Variants in KIF13B observed in about 807,000 individuals in gnomAD.
KIF13B encodes kinesin-like protein KIF13B.
KIF13B carries 127 observed loss-of-function variants against 222.0 expected under a neutral mutation model. The ratio of observed to expected loss-of-function variants is 0.57; its 90% confidence interval spans 0.50 to 0.66. The LOEUF (loss-of-function observed/expected upper bound fraction) is 0.66. Among genes scored for constraint, KIF13B ranks in the 30% least tolerant of loss-of-function variants. The pLI, the probability that KIF13B is intolerant of heterozygous loss-of-function variation, is 0.00. For synonymous variants in KIF13B, 976 were observed against 919.0 expected (o/e 1.06, Z -1.12); for missense variants, 2,173 against 2,379.0 (o/e 0.91, Z 1.80).
At chr8:29,157,391 C>CT (rs1211633410) in intron 13 of KIF13B, among the ~76,000 whole-genome samples, 87 of 53,540 alleles carry the variant, frequency 1.6e-3, no homozygotes, top group African/African-American at 5.2e-3. Flanking sequence ...CTCGTCTCTA[C>CT]CAAAAAAAAA....
chr8:29,140,592 G>C lies in KIF13B; in HGVS notation c.2360C>G (p.Ala787Gly). 3 of 1,613,506 alleles carry C rather than the reference G, an allele frequency of 1.9e-6. No individual in the cohort carries two copies. Among genetic ancestry groups the C allele is most frequent in the Non-Finnish European group, 2.5e-6 (3 of 1,179,690 alleles). ...NPVIRSYFKR[A>G]DPFYDEQENH... ...TTCCTGCTCATCATAGAATGGATCA[G>C]CACGTTTGAAGTATGATCGTATTAC... Residue 787 changes from alanine to glycine, a missense_variant, in exon 20 of 40, where the codon GCT becomes GGT. Coordinates refer to ENST00000524189, the MANE Select transcript of KIF13B (RefSeq NM_015254.4).
chr8:29,139,798 G>T (rs1586830896), intron 21 of KIF13B, among the ~76,000 whole-genome samples: 2 of 152,238 alleles, frequency 1.3e-5, no homozygotes, highest in East Asian at 1.9e-4. Flanking sequence ...TTCCTGCAGG[G>T]ATTCTCAGCC....
At chr8:29,216,270 A>C (rs1246434159) in intron 2 of KIF13B, among the ~76,000 whole-genome samples, 1 of 152,202 alleles carries the variant, frequency 6.6e-6, no homozygotes, top group Non-Finnish European at 1.5e-5. Flanking sequence ...TTCAGTAACA[A>C]AGCTAGATTC....
rs1042923606 is a variant in KIF13B at position 29,088,440 on chromosome 8, T to A, written c.4458+4305A>T. 3.9e-5 allele frequency among the ~76,000 whole-genome samples: 6 copies of A among 152,208 alleles called. No individual in the cohort carries two copies. In the East Asian group the frequency reaches 1.2e-3, roughly 29 times the overall value. Reference sequence around the variant, plus strand: ...GCAGGGTGGCTCACATATACAATCCTCCCCACTCCCTTTACTTCCTGGTAA... The same window carrying A: ...GCAGGGTGGCTCACATATACAATCCACCCCACTCCCTTTACTTCCTGGTAA... On this transcript the variant is annotated intron_variant, in intron 37 of 39. Transcript: ENST00000524189.
Position 29,248,076 on chromosome 8 carries a change from G to A in KIF13B, c.56-2637C>T, listed in dbSNP as rs138120887. 2.6e-4 allele frequency among the ~76,000 whole-genome samples: 40 copies of A among 152,214 alleles called. 1 individual carries two copies. The East Asian group carries it at 7.7e-3, about 29-fold the overall frequency. On this transcript the variant is annotated intron_variant, in intron 1 of 39. Transcript: ENST00000524189. ...GGTTGGCAAGGGTGTGGAGTAATTA[G>A]AACCCTCATACATTACTGGTGAGAA...
chr8:29,174,186 A>ACTGC lies in KIF13B; in HGVS notation c.945+1878_945+1881dup, dbSNP rs556362234. ...CACTGTTATTAACTATAGTCCTTAG[A>ACTGC]CTGCCCATTTGATCTCTAGACTTAA... is the stretch of plus-strand genomic sequence containing the variant. On this transcript the variant is annotated intron_variant, in intron 10 of 39. Coordinates refer to ENST00000524189, the MANE Select transcript of KIF13B (RefSeq NM_015254.4). Among the ~76,000 whole-genome samples, 213 of 152,250 alleles carry ACTGC rather than the reference A, an allele frequency of 1.4e-3. 2 individuals are homozygous for ACTGC. Among genetic ancestry groups the ACTGC allele is most frequent in the African/African-American group, 4.7e-3 (195 of 41,546 alleles).
chr8:29,106,632 CAAAAAA>C (rs71222590), intron 35 of KIF13B, among the ~76,000 whole-genome samples: 8 of 56,464 alleles, frequency 1.4e-4, no homozygotes, highest in South Asian at 2.0e-3. Flanking sequence ...AACTCTGTCT[CAAAAAA>C]AAAAAAAAAA....
At chr8:29,165,515 T>C (rs905726922) in intron 12 of KIF13B, 147 bp downstream of exon 12, 6 of 569,224 alleles carry the variant, frequency 1.1e-5, no homozygotes, top group Non-Finnish European at 1.9e-5. Flanking sequence ...TTGCAAAGTA[T>C]AGATTCTTTC....
At chr8:29,166,272 A>G (rs1264425625) in intron 11 of KIF13B, among the ~76,000 whole-genome samples, 1 of 152,228 alleles carries the variant, frequency 6.6e-6, no homozygotes, top group African/African-American at 2.4e-5. Flanking sequence ...AACAGGTAAA[A>G]ATACGATCAA....
chr8:29,140,580 T>C lies in KIF13B; in HGVS notation c.2372A>G (p.Tyr791Cys), dbSNP rs1465623549. Residue 791 changes from tyrosine to cysteine, a missense_variant, in exon 20 of 40, where the codon TAT becomes TGT. Physicochemically the swap from Tyr to Cys is radical, Grantham distance 194 (BLOSUM62 -2). Around this residue, in one of 2 missense-constraint regions of KIF13B, gnomAD observed 1,480 missense variants for 1,722.8 expected, o/e 0.86. Coordinates refer to ENST00000524189, the MANE Select transcript of KIF13B (RefSeq NM_015254.4). ...GAGACTGTGATTTTCCTGCTCATCATAGAATGGATCAGCACGTTTGAAGTA... is the reference window on the plus strand; with the variant it reads ...GAGACTGTGATTTTCCTGCTCATCACAGAATGGATCAGCACGTTTGAAGTA... The part of the protein sequence containing the change: ...RSYFKRADPF[Y>C]DEQENHSLIG... 5.6e-6 allele frequency: 9 copies of C among 1,613,740 alleles called. No homozygotes were observed. Among genetic ancestry groups the C allele is most frequent in the Admixed American group, 3.3e-5 (2 of 59,994 alleles).
At chr8:29,075,451 C>T (rs1279914041) in intron 37 of KIF13B, 108 bp from the exon 38 acceptor site, 6 of 993,178 alleles carry the variant, frequency 6.0e-6, no homozygotes, top group Non-Finnish European at 8.8e-6. Context: ...GGGGAATCGG[C>T]CCATCAGGTG....
intron 2 of KIF13B, among the ~76,000 whole-genome samples, chr8:29,242,368 C>T (rs969246650): frequency 3.3e-5 from 5 of 151,962 alleles, no homozygotes; most frequent in East Asian, 3.9e-4. Flanking sequence ...ACAACAACAA[C>T]GAAAATTTAC....
intron 2 of KIF13B, among the ~76,000 whole-genome samples, chr8:29,239,156 C>T (rs144650375): frequency 8.1e-4 from 124 of 152,264 alleles, no homozygotes; most frequent in African/African-American, 2.7e-3. Context: ...ACCATACACA[C>T]GTAATAGAAG....
chr8:29,130,467 A>G, intron 24 of KIF13B, 66 bp downstream of exon 24: 1 of 1,523,612 alleles, frequency 6.6e-7, no homozygotes, highest in Non-Finnish European at 9.1e-7. Flanking sequence ...ATTTCCACTA[A>G]AAAGAAGCCA....
At chr8:29,100,383 G>A (rs1215418337) in intron 35 of KIF13B, among the ~76,000 whole-genome samples, 1 of 152,096 alleles carries the variant, frequency 6.6e-6, no homozygotes, top group African/African-American at 2.4e-5. Flanking sequence ...GATAATCACT[G>A]ACTTCTTTAC....
intron 11 of KIF13B, among the ~76,000 whole-genome samples, chr8:29,166,295 G>A (rs1586869255): frequency 6.6e-6 from 1 of 152,188 alleles, no homozygotes; most frequent in African/African-American, 2.4e-5. Flanking sequence ...TAATCATCCT[G>A]ACCATGTCTC....
In KIF13B at chr8:29,231,270, G is replaced by A. The variant is rs367987208; in HGVS notation, c.149+14076C>T. Among the ~76,000 whole-genome samples, 28 of 152,280 alleles carry A rather than the reference G, an allele frequency of 1.8e-4. No homozygotes were observed. The East Asian group carries it at 3.1e-3, about 17-fold the overall frequency. Reference sequence around the variant, plus strand: ...TAGATGAAGGCTACCATACGGGTTCGGCCTGATAAATCTTACATTCAGAGA... The same window carrying A: ...TAGATGAAGGCTACCATACGGGTTCAGCCTGATAAATCTTACATTCAGAGA... On this transcript the variant is annotated intron_variant, in intron 2 of 39. Transcript: ENST00000524189.
At chr8:29,131,033 G>A (rs1019493660) in intron 23 of KIF13B, among the ~76,000 whole-genome samples, 7 of 152,170 alleles carry the variant, frequency 4.6e-5, no homozygotes, top group African/African-American at 7.2e-5. Context: ...CTTGGATACA[G>A]CTCGAGGCTA....
intron 38 of KIF13B, among the ~76,000 whole-genome samples, chr8:29,074,745 G>T (rs888795469): frequency 6.6e-6 from 1 of 152,238 alleles, no homozygotes; most frequent in Admixed American, 6.5e-5. Flanking sequence ...TCTTTCTAAT[G>T]ATTGTGCCTC....
Sources: gnomAD v4.1 joint callset for allele counts (sites outside exome capture counted in the v4.1 genomes callset) on GRCh38, gnomAD v4.1.1 for gene constraint, gnomAD v4.1.1 regional missense constraint, MANE v1.5 for transcripts, NCBI Gene and HGNC (gene_info 2026-07-23, HGNC 2026-07-21) for gene names.